The following COL28A1 variants were observed in gnomAD, a reference collection of about 807,000 sequenced individuals.
COL28A1 encodes collagen type XXVIII alpha 1 chain.
In COL28A1, 161 loss-of-function variants were observed where a neutral mutation model predicts 150.2. That is an observed-to-expected ratio of 1.07 (90% confidence interval 0.94 to 1.22). The LOEUF (loss-of-function observed/expected upper bound fraction) is 1.22. Ranked by LOEUF, COL28A1 falls within the 50% of genes most tolerant of loss-of-function variation. The pLI is 0.00. For missense variants in COL28A1, 1,617 were observed against 1,388.3 expected, an observed-to-expected ratio of 1.16 and a Z score of -2.62; for synonymous variants, 552 against 469.7, an observed-to-expected ratio of 1.18 and a Z score of -2.26.
chr7:7,382,881 T>A (rs984000409), intron 27 of COL28A1, among the ~76,000 whole-genome samples: 1 of 152,152 alleles, frequency 6.6e-6, no homozygotes, highest in African/African-American at 2.4e-5. Flanking sequence ...GGAGGCATGA[T>A]GGGATTTACG....
intron 27 of COL28A1, among the ~76,000 whole-genome samples, chr7:7,389,038 G>A (rs1323681156): frequency 5.3e-5 from 8 of 152,058 alleles, no homozygotes; most frequent in Non-Finnish European, 4.4e-5. Flanking sequence ...GGTCGCCATT[G>A]CTTTTGGTAT....
intron 25 of COL28A1, among the ~76,000 whole-genome samples, chr7:7,425,307 G>A (rs1316283712): frequency 6.6e-6 from 1 of 152,104 alleles, no homozygotes; most frequent in Non-Finnish European, 1.5e-5. Flanking sequence ...GATGCAAGAC[G>A]CTAACTTTTC....
Position 7,444,455 on chromosome 7 carries a change from G to A in COL28A1, c.1544C>T (p.Pro515Leu), listed in dbSNP as rs79817423. The stretch of plus-strand genomic sequence containing the variant: ...AGCTCCATCTTCTCCTGGTACTCCT[G>A]GTTGTCCTGGGAGCCCTATTGAGCC... ...EPGSIGLPGQ[P>L]GVPGEDGAAG... Residue 515 changes from proline to leucine, a missense_variant, in exon 19 of 35, where the codon CCA (proline) becomes CTA (leucine). By Grantham distance (98) the Pro-to-Leu change is moderately conservative. Coordinates refer to ENST00000399429, the MANE Select transcript of COL28A1 (RefSeq NM_001037763.3). 2,152 of 1,613,904 alleles carry A rather than the reference G, an allele frequency of 1.3e-3. 18 individuals carry two copies. The highest frequency in any genetic ancestry group is 0.013 in the South Asian group (1,190 of 91,044).
At chr7:7,472,280 C>T (rs1788500445) in intron 15 of COL28A1, among the ~76,000 whole-genome samples, 1 of 152,120 alleles carries the variant, frequency 6.6e-6, no homozygotes, top group African/African-American at 2.4e-5. Context: ...CCTAAAGACT[C>T]CTCCAGAAAG....
intron 27 of COL28A1, among the ~76,000 whole-genome samples, chr7:7,400,255 G>A (rs1453225502): frequency 6.6e-6 from 1 of 152,104 alleles, no homozygotes; most frequent in African/African-American, 2.4e-5. Context: ...TGATTATCCT[G>A]GATTATCCAT....
chr7:7,474,496 C>G (rs1788710202), intron 15 of COL28A1, 105 bp downstream of exon 15: 3 of 550,366 alleles, frequency 5.5e-6, no homozygotes, highest in Non-Finnish European at 9.7e-6. Flanking sequence ...AACCAGATAC[C>G]TGTGTGGCAT....
At chr7:7,437,880 T>C (rs1785457724) in intron 21 of COL28A1, among the ~76,000 whole-genome samples, 1 of 152,208 alleles carries the variant, frequency 6.6e-6, no homozygotes, top group Non-Finnish European at 1.5e-5. Flanking sequence ...TTGTTTTATT[T>C]TAATGACCAA....
intron 4 of COL28A1, among the ~76,000 whole-genome samples, chr7:7,523,279 T>C (rs1781840475): frequency 6.6e-6 from 1 of 151,572 alleles, no homozygotes; most frequent in Non-Finnish European, 1.5e-5. Context: ...TGCCTCAGCC[T>C]CCTGAGTAGC....
intron 18 of COL28A1, among the ~76,000 whole-genome samples, chr7:7,447,742 G>A (rs541782405): frequency 1.3e-5 from 2 of 152,192 alleles, no homozygotes; most frequent in Non-Finnish European, 2.9e-5. Context: ...TAGTGTCATG[G>A]AAGAAAAGAT....
At position 7,372,968 on chromosome 7, in the gene COL28A1, C is replaced by T. The variant is rs776752390; in HGVS notation, c.2908+30G>A. ...GTACTTAGAGGAACAACATAAATGCCTTTCCCCTGGGCCAGATAGCCTTCC... is the reference window on the plus strand; with the variant it reads ...GTACTTAGAGGAACAACATAAATGCTTTTCCCCTGGGCCAGATAGCCTTCC... On this transcript the variant is annotated intron_variant, in intron 32 of 34. Coordinates refer to ENST00000399429, the MANE Select transcript of COL28A1 (RefSeq NM_001037763.3). 7 of 1,584,338 alleles carry T rather than the reference C, an allele frequency of 4.4e-6. 1 individual carries two copies. In the Admixed American group the frequency reaches 1.0e-4, roughly 23 times the overall value.
the COL28A1 span, among the ~76,000 whole-genome samples, chr7:7,349,819 A>T: frequency 6.6e-6 from 1 of 152,140 alleles, no homozygotes; most frequent in African/African-American, 2.4e-5. Context: ...CTTGGTAAGT[A>T]AGGAAGTAAA....
At chr7:7,441,514 C>CATCCAGGGATG (rs1290889632) in intron 20 of COL28A1, among the ~76,000 whole-genome samples, 4 of 128,092 alleles carry the variant, frequency 3.1e-5, no homozygotes, top group African/African-American at 1.2e-4. Flanking sequence ...ATGTACACAG[C>CATCCAGGGATG]TCAACAAACG....
intron 2 of COL28A1, among the ~76,000 whole-genome samples, chr7:7,532,528 C>T (rs1323749434): frequency 6.6e-6 from 1 of 151,972 alleles, no homozygotes; most frequent in Non-Finnish European, 1.5e-5. Context: ...TACAAGGTTA[C>T]TGTGAGGCTC....
At chr7:7,342,222 G>A in the COL28A1 span, among the ~76,000 whole-genome samples, 93,273 of 151,792 alleles carry the variant, frequency 0.61, 32,717 homozygotes, top group East Asian at 0.87. Context: ...TTTTGCCTTC[G>A]TATCACTTTG....
At chr7:7,506,948 A>G (rs1219919846) in intron 10 of COL28A1, among the ~76,000 whole-genome samples, 169 bp downstream of exon 10, 1 of 152,144 alleles carries the variant, frequency 6.6e-6, no homozygotes, top group African/African-American at 2.4e-5. Context: ...TGTTTCCAAA[A>G]TTTATTGCAC....
intron 27 of COL28A1, among the ~76,000 whole-genome samples, chr7:7,399,905 G>C (rs1361813242): frequency 6.6e-6 from 1 of 152,242 alleles, no homozygotes; most frequent in Non-Finnish European, 1.5e-5. Context: ...AGAGCTGCCA[G>C]TATGCAATGC....
downstream of COL28A1, among the ~76,000 whole-genome samples, chr7:7,354,468 T>TC (rs1780304381): frequency 6.6e-6 from 1 of 152,224 alleles, no homozygotes; most frequent in African/African-American, 2.4e-5. Flanking sequence ...CAGAGTAGGG[T>TC]GTCCTCAAAA....
chr7:7,532,244 T>C (rs1390269555), intron 2 of COL28A1, among the ~76,000 whole-genome samples: 1 of 152,166 alleles, frequency 6.6e-6, no homozygotes, highest in African/African-American at 2.4e-5. Context: ...CATAGTTGTC[T>C]AGAAGTAAAT....
chr7:7,355,318 A>G (rs965630869), downstream of COL28A1, among the ~76,000 whole-genome samples: 1 of 152,262 alleles, frequency 6.6e-6, no homozygotes, highest in East Asian at 1.9e-4. Context: ...AGAAACGTAA[A>G]TAAAAATAAT....
Sources: gnomAD v4.1 joint callset for allele counts (sites outside exome capture counted in the v4.1 genomes callset) on GRCh38, gnomAD v4.1.1 for gene constraint, MANE v1.5 for transcripts, NCBI Gene and HGNC (gene_info 2026-07-23, HGNC 2026-07-21) for gene names.